LGI1: variants seen among roughly 807,000 people sequenced by gnomAD.
LGI1 encodes the protein leucine rich glioma inactivated 1.
A neutral mutation model predicts 57.7 loss-of-function variants in LGI1; 11 were observed. The ratio of observed to expected loss-of-function variants is 0.19; its 90% confidence interval spans 0.12 to 0.32. LGI1 has a LOEUF of 0.32. LGI1 is among the 10% of genes least tolerant of loss of function. The probability of loss-of-function intolerance (pLI) is 1.00; values close to 1 mark genes in which losing one functional copy is unlikely to be tolerated. For missense variants in LGI1, 422 were observed against 661.9 expected (o/e 0.64, Z 3.98); for synonymous variants, 222 against 241.9 (o/e 0.92, Z 0.76).
rs761224253 is a variant in LGI1, at chr10:93,758,431, A to G, written c.215+72A>G. On this transcript the variant is annotated intron_variant, in intron 1 of 7. Coordinates refer to ENST00000371418, the MANE Select transcript of LGI1 (RefSeq NM_005097.4). The surrounding 1 kb of genome is among the most constrained non-coding windows in gnomAD (Gnocchi z 4.7). ...CCAGCCGGTGGATTTGGGGCTTTGC[A>G]TGTATTTGTAGAAGGGCATGGAGAG... 5.7e-6 allele frequency: 8 copies of G among 1,414,070 alleles called. No individual in the cohort carries two copies. Among genetic ancestry groups the G allele is most frequent in the Non-Finnish European group, 8.0e-6 (8 of 1,002,848 alleles). 87.6% of individuals were successfully genotyped at this position (1,414,070 alleles called of 1,614,324 possible). A position where few individuals can be genotyped will look rare whatever the true frequency, so the allele number is the denominator to read the frequency against.
chr10:93,758,706 G>A lies in LGI1; in HGVS notation c.216-54G>A. 1 of 1,230,654 alleles carries A rather than the reference G, an allele frequency of 8.1e-7. No individual in the cohort carries two copies. Among genetic ancestry groups the A allele is most frequent in the Non-Finnish European group, 1.2e-6 (1 of 836,360 alleles). 76.2% of individuals were successfully genotyped at this position (1,230,654 alleles called of 1,614,324 possible). A position where few individuals can be genotyped will look rare whatever the true frequency, so the allele number is the denominator to read the frequency against. ...AACATAAGGTTTGTTCTGTGTGTGT[G>A]TGTCTCTTTGTGTGTGTCTGTTTGT... On this transcript the variant is annotated intron_variant, in intron 1 of 7. Transcript: ENST00000371418. The surrounding 1 kb of genome is among the most constrained non-coding windows in gnomAD (Gnocchi z 4.7).
At chr10:93,773,731 A>G (rs2059763697) in intron 2 of LGI1, among the ~76,000 whole-genome samples, 1 of 152,114 alleles carries the variant, frequency 6.6e-6, no homozygotes, top group Non-Finnish European at 1.5e-5. Flanking sequence ...GGGTGTAGAC[A>G]GATCAGGCAC....
intron 4 of LGI1, among the ~76,000 whole-genome samples, chr10:93,785,698 C>G (rs1035860220): frequency 3.3e-5 from 5 of 152,210 alleles, no homozygotes; most frequent in African/African-American, 1.2e-4. Context: ...GGGATGAAGA[C>G]AGAACTGGGA....
Position 93,762,042 on chromosome 10 carries a change from A to T in LGI1, c.287+3211A>T, listed in dbSNP as rs544268236. Among the ~76,000 whole-genome samples, 10 of 152,318 alleles carry T rather than the reference A, an allele frequency of 6.6e-5. No homozygotes were observed. The South Asian group carries it at 2.1e-3, about 32-fold the overall frequency. Reference sequence around the variant, plus strand: ...GTGAAATTCAAATTTAAGAGGACAAAATGTGGCCACTTCGCCACCCACTTA... The same window carrying T: ...GTGAAATTCAAATTTAAGAGGACAATATGTGGCCACTTCGCCACCCACTTA... On this transcript the variant is annotated intron_variant, in intron 2 of 7. Coordinates refer to ENST00000371418, the MANE Select transcript of LGI1 (RefSeq NM_005097.4).
rs1212411104 is a variant in LGI1, at chr10:93,774,219, G to T, written c.288-3160G>T. ...ACCATGTGCAACCCTGGCTGCATAT[G>T]AGTCTCCTAGGGAGCTTTTTAGTAA... On this transcript the variant is annotated intron_variant, in intron 2 of 7. Coordinates refer to ENST00000371418, the MANE Select transcript of LGI1 (RefSeq NM_005097.4). 2.0e-5 allele frequency among the ~76,000 whole-genome samples: 3 copies of T among 152,086 alleles called. No homozygotes were observed. The East Asian group carries it at 5.8e-4, about 29-fold the overall frequency.
chr10:93,787,072 G>A (rs548430995), intron 4 of LGI1, among the ~76,000 whole-genome samples: 1 of 152,294 alleles, frequency 6.6e-6, no homozygotes, highest in Admixed American at 6.5e-5. Flanking sequence ...TGGATGTCTG[G>A]AAGCCTCACT....
intron 2 of LGI1, among the ~76,000 whole-genome samples, chr10:93,765,923 T>C (rs2059671090): frequency 7.2e-6 from 1 of 138,046 alleles, no homozygotes; most frequent in Non-Finnish European, 1.5e-5. Flanking sequence ...TGAGCCGAGA[T>C]CGCGCCACTG....
At chr10:93,766,018 C>G (rs901456619) in intron 2 of LGI1, among the ~76,000 whole-genome samples, 5 of 149,066 alleles carry the variant, frequency 3.4e-5, no homozygotes, top group African/African-American at 1.2e-4. Context: ...TGAATCAGTT[C>G]TAACAAACCA....
At chr10:93,795,075 G>T (rs774545741) in intron 7 of LGI1, among the ~76,000 whole-genome samples, 2 of 152,072 alleles carry the variant, frequency 1.3e-5, no homozygotes, top group South Asian at 4.2e-4. Context: ...GGTTTTGTGC[G>T]GTCGAAACCA....
chr10:93,793,328 C>T lies in LGI1; in HGVS notation c.816C>T (p.Phe272=), dbSNP rs1204314754. 1.2e-6 allele frequency: 2 copies of T among 1,613,898 alleles called. No homozygotes were observed. Among genetic ancestry groups the T allele is most frequent in the East Asian group, 4.5e-5 (2 of 44,844 alleles). The change falls in exon 7 of 8, where the codon TTC becomes TTT. Residue 272 remains phenylalanine, a synonymous_variant. Coordinates refer to ENST00000371418, the MANE Select transcript of LGI1 (RefSeq NM_005097.4). ...FLEWDHVEKT[F]RNYDNITGTS... is the part of the protein sequence containing the mutation. ...AATGGGACCATGTGGAAAAGACCTT[C>T]CGGAATTATGACAACATTACAGGTA...
At chr10:93,761,065 G>A (rs928997893) in intron 2 of LGI1, among the ~76,000 whole-genome samples, 1 of 152,042 alleles carries the variant, frequency 6.6e-6, no homozygotes, top group Non-Finnish European at 1.5e-5. Flanking sequence ...CTCAGGAAAA[G>A]GTCTAATAAA....
intron 2 of LGI1, among the ~76,000 whole-genome samples, chr10:93,760,069 C>T (rs114507422): frequency 0.016 from 2,458 of 152,314 alleles, 55 homozygotes; most frequent in African/African-American, 0.055. Context: ...CTAAAAGTCA[C>T]TCATCTATTG....
At chr10:93,761,700 A>G (rs7897180) in intron 2 of LGI1, among the ~76,000 whole-genome samples, 47,403 of 151,970 alleles carry the variant, frequency 0.31, 7,556 homozygotes, top group South Asian at 0.42. Flanking sequence ...TCCGTAGAGA[A>G]GAGAGAGAAA....
At chr10:93,789,229 A>G (rs2059915603) in intron 4 of LGI1, 1 of 152,222 alleles carries the variant, frequency 6.6e-6, no homozygotes, top group Admixed American at 6.5e-5. Context: ...ATTAAAGAGA[A>G]TAGATGGATA....
chr10:93,777,319 G>A, intron 2 of LGI1, 60 bp from the exon 3 acceptor site: 1 of 1,471,196 alleles, frequency 6.8e-7, no homozygotes, highest in Non-Finnish European at 9.5e-7. Context: ...AGAGATAAAA[G>A]CAGCCAAGAT....
chr10:93,797,817 G>A lies in LGI1; in HGVS notation c.*14G>A, dbSNP rs1298317009. ...TTAAGCGCATGAGACACCAAATTCT[G>A]TGGCTGCCATCAGAAATTTTCTACA... is the stretch of plus-strand genomic sequence containing the variant. On this transcript the variant is annotated 3_prime_UTR_variant, in exon 8 of 8. Transcript: ENST00000371418. This position sits in a 1 kb window ranked among gnomAD's most constrained non-coding sequence, Gnocchi z 6.5. The A allele has an allele frequency of 1.3e-6, 2 of 1,573,886 alleles. No individual in the cohort carries two copies. Among genetic ancestry groups the A allele is most frequent in the African/African-American group, 1.3e-5 (1 of 74,508 alleles).
intron 4 of LGI1, among the ~76,000 whole-genome samples, chr10:93,784,965 C>A (rs2059883608): frequency 6.6e-6 from 1 of 152,166 alleles, no homozygotes; most frequent in Admixed American, 6.5e-5. Flanking sequence ...TAAATCTTAA[C>A]AGTGGTTACT....
At chr10:93,792,275 A>G (rs1430781172) in intron 5 of LGI1, 2 of 167,920 alleles carry the variant, frequency 1.2e-5, no homozygotes, top group Non-Finnish European at 2.6e-5. Context: ...TACACACTGG[A>G]CTTCAAAGAC....
At chr10:93,789,802 G>A (rs2059920698) in intron 4 of LGI1, 2 of 308,040 alleles carry the variant, frequency 6.5e-6, no homozygotes, top group South Asian at 1.2e-4. Flanking sequence ...AACCCGGGAG[G>A]CAGAGGTTTC....
Sources: allele counts gnomAD v4.1 joint callset (sites outside exome capture counted in the v4.1 genomes callset), GRCh38; gene constraint gnomAD v4.1.1; non-coding constraint Gnocchi (gnomAD v3.1); transcripts MANE v1.5; gene names NCBI Gene and HGNC (gene_info 2026-07-23, HGNC 2026-07-21).